The following PTPRH variants were observed in gnomAD, a reference collection of about 807,000 sequenced individuals.
The protein encoded by PTPRH is receptor-type tyrosine-protein phosphatase H.
Under a neutral mutation model 130.2 loss-of-function variants are expected in PTPRH, and 113 were observed. The ratio of observed to expected loss-of-function variants is 0.87; its 90% CI spans 0.75 to 1.01. PTPRH has a LOEUF of 1.01. PTPRH is among the 50% of genes least tolerant of loss of function. The pLI, the probability that PTPRH is intolerant of heterozygous loss-of-function variation, is 0.00. For synonymous variants in PTPRH, 556 were observed against 577.9 expected (o/e 0.96, Z 0.54); for missense variants, 1,430 against 1,425.0 (o/e 1.00, Z -0.06).
At chr19:55,202,391 A>G in intron 5 of PTPRH, 69 bp from the exon 6 acceptor site, 2 of 1,586,046 alleles carry the variant, frequency 1.3e-6, no homozygotes, top group Non-Finnish European at 1.7e-6. Flanking sequence ...CCCTTCCTTA[A>G]CCATTGCATC....
Position 55,186,331 on chromosome 19 carries a change from G to A in PTPRH, c.2672C>T (p.Ala891Val), listed in dbSNP as rs1393910109. The A allele has an allele frequency of 6.2e-7, 1 of 1,614,088 alleles. No individual in the cohort carries two copies. ...TGTCTGTGGCAGGGGACCCTGGGTT[G>A]CAATGAACTCCTGGGGGCTCCAGAG... ...PGLWSPQEFI[A>V]TQGPLPQTVG... The change falls in exon 16 of 20, where the codon GCA becomes GTA. Residue 891 changes from alanine (A) to valine (V), a missense_variant. Transcript: ENST00000376350.
At chr19:55,193,227 CAA>C (rs34071809) in intron 10 of PTPRH, among the ~76,000 whole-genome samples, 39 of 124,116 alleles carry the variant, frequency 3.1e-4, no homozygotes, top group African/African-American at 2.9e-4. Flanking sequence ...GACTCTGTCT[CAA>C]AAAAAAAAAA....
intron 8 of PTPRH, 48 bp from the exon 9 acceptor site, chr19:55,197,464 C>G (rs1018807797): frequency 1.3e-6 from 2 of 1,527,546 alleles, no homozygotes. Flanking sequence ...GAAGACCCTC[C>G]TACCCCAGCC....
intron 10 of PTPRH, 170 bp from the exon 11 acceptor site, chr19:55,191,911 C>T (rs1306929246): frequency 5.7e-6 from 4 of 703,388 alleles, no homozygotes; most frequent in Non-Finnish European, 1.0e-5. Flanking sequence ...CGCGCTTACC[C>T]ATGGATTTTC....
chr19:55,190,872 C>T (rs540956179), intron 12 of PTPRH, among the ~76,000 whole-genome samples: 1 of 151,890 alleles, frequency 6.6e-6, no homozygotes, highest in African/African-American at 2.4e-5. Context: ...GACGGAGTCT[C>T]GATCTGTCAC....
In PTPRH at chr19:55,197,516, T is replaced by C. The variant is rs2086725993; in HGVS notation, c.1691-100A>G. 2.6e-6 allele frequency: 3 copies of C among 1,170,694 alleles called. No individual in the cohort carries two copies. In the East Asian group the frequency reaches 7.1e-5, roughly 28 times the overall value. The allele number at this position is 1,170,694 out of a possible 1,614,324, so 72.5% of individuals were successfully genotyped here. On this transcript the variant is annotated intron_variant, in intron 8 of 19. Transcript: ENST00000376350. ...ACAGCAAAGCTGAGATATCCATTAT[T>C]GATGGCTCCAGTGGCTAAGGAGGCT...
Position 55,182,163 on chromosome 19 carries a change from A to G in PTPRH, c.3063-12T>C, listed in dbSNP as rs766060608. 1.1e-5 allele frequency: 17 copies of G among 1,612,710 alleles called. No individual in the cohort carries two copies. Among genetic ancestry groups the G allele is most frequent in the Non-Finnish European group, 1.4e-5 (17 of 1,179,780 alleles). Reference sequence around the variant, plus strand: ...GACCCACGCCAGCACTAGGCAGAACAAGGGAAGGGTCAGACCAAGGGGCAG... The same window carrying G: ...GACCCACGCCAGCACTAGGCAGAACGAGGGAAGGGTCAGACCAAGGGGCAG... On this transcript the variant is annotated splice_polypyrimidine_tract_variant and intron_variant, in intron 18 of 19. Transcript: ENST00000376350.
At chr19:55,197,023 G>C (rs900645100) in intron 9 of PTPRH, 94 bp downstream of exon 9, 94 of 1,469,482 alleles carry the variant, frequency 6.4e-5, no homozygotes, top group Non-Finnish European at 8.4e-5. Context: ...ATGGCCTGTG[G>C]CCTGATGGAA....
intron 3 of PTPRH, among the ~76,000 whole-genome samples, chr19:55,206,207 TG>T (rs2087047038): frequency 6.7e-6 from 1 of 150,308 alleles, no homozygotes; most frequent in Non-Finnish European, 1.5e-5. Context: ...CACTCCAACC[TG>T]GGCGACAGAG....
rs537921308 is a variant in PTPRH at position 55,203,797 on chromosome 19, C to G, written c.871G>C (p.Val291Leu). The change falls in exon 5 of 20, where the codon GTC becomes CTC. Residue 291 changes from valine (V) to leucine (L), a missense_variant. Val to Leu is a conservative substitution (Grantham distance 32, BLOSUM62 1). Transcript: ENST00000376350. ...TGCCTCTTACCTGTGGCACTAGTGA[C>G]AATCTCCACAGAGCTATTTACTCCG... ...KDGVNSSVEI[V>L]TSATAPNPVR... is the part of the protein sequence containing the mutation. 1.2e-5 allele frequency: 20 copies of G among 1,604,152 alleles called. No homozygotes were observed. The highest frequency in any genetic ancestry group is 1.7e-5 in the Non-Finnish European group (20 of 1,171,716).
intron 6 of PTPRH, among the ~76,000 whole-genome samples, chr19:55,200,806 G>A (rs1662990607): frequency 6.6e-6 from 1 of 152,146 alleles, no homozygotes; most frequent in Admixed American, 6.5e-5. Flanking sequence ...AGCCGGGCGT[G>A]GTGGCTGGTG....
At chr19:55,205,837 A>G (rs1343813044) in intron 3 of PTPRH, among the ~76,000 whole-genome samples, 1 of 152,240 alleles carries the variant, frequency 6.6e-6, no homozygotes, top group Admixed American at 6.5e-5. Context: ...AAGAATGTCA[A>G]CTGTCTCATT....
intron 14 of PTPRH, 89 bp from the exon 15 acceptor site, chr19:55,186,629 G>T: frequency 8.0e-7 from 1 of 1,256,976 alleles, no homozygotes; most frequent in Non-Finnish European, 1.1e-6. Context: ...GAGAGGCACA[G>T]AGACAAGACC....
intron 18 of PTPRH, among the ~76,000 whole-genome samples, chr19:55,182,853 G>A (rs1033655314): frequency 2.0e-5 from 3 of 151,936 alleles, no homozygotes; most frequent in African/African-American, 7.2e-5. Context: ...GAAGTGCAGT[G>A]GCATGATCTC....
At chr19:55,200,069 G>A (rs576265159) in intron 7 of PTPRH, among the ~76,000 whole-genome samples, 167 bp downstream of exon 7, 3 of 152,266 alleles carry the variant, frequency 2.0e-5, no homozygotes, top group African/African-American at 7.2e-5. Flanking sequence ...TCTTCCTCAG[G>A]GCAGAGCCAG....
intron 1 of PTPRH, among the ~76,000 whole-genome samples, chr19:55,207,482 T>G (rs2087107554): frequency 6.6e-6 from 1 of 151,974 alleles, no homozygotes; most frequent in Admixed American, 6.6e-5. Flanking sequence ...TATATGTCCT[T>G]GGAAAACCGA....
chr19:55,209,304 G>T lies in PTPRH; in HGVS notation c.51+79C>A. 8.0e-7 allele frequency: 1 copy of T among 1,250,328 alleles called. No homozygotes were observed. The highest frequency in any genetic ancestry group is 1.1e-6 in the Non-Finnish European group (1 of 871,974). The allele number at this position is 1,250,328 out of a possible 1,614,324, so 77.5% of individuals were successfully genotyped here. On this transcript the variant is annotated intron_variant, in intron 1 of 19. Coordinates refer to ENST00000376350, the MANE Select transcript of PTPRH (RefSeq NM_002842.5). The surrounding 1 kb of genome is among the most constrained non-coding windows in gnomAD (Gnocchi z 4.1). ...TCAGCACCTACTTCCTCAAGATCGAGGTGCAGGCACCCAGCTCCTTCTCCC... is the reference window on the plus strand; with the variant it reads ...TCAGCACCTACTTCCTCAAGATCGATGTGCAGGCACCCAGCTCCTTCTCCC...
chr19:55,195,873 T>C (rs1163140248), intron 10 of PTPRH, among the ~76,000 whole-genome samples: 1 of 151,748 alleles, frequency 6.6e-6, no homozygotes, highest in Non-Finnish European at 1.5e-5. Flanking sequence ...GCCCACTCTA[T>C]GATTGCATTT....
In PTPRH at chr19:55,196,553, A is replaced by C. The variant is rs148942810; in HGVS notation, c.2226T>G (p.Ser742=). 1 of 1,613,120 alleles carries C rather than the reference A, an allele frequency of 6.2e-7. No homozygotes were observed. Residue 742 remains serine, a synonymous_variant, in exon 10 of 20, where the codon TCT becomes TCG. Transcript: ENST00000376350. ...TCTCGGTGTGGCAGACCACAGAGTG[A>C]GACACGACCTTCATTCCGTCCCAGA... is the stretch of plus-strand genomic sequence containing the variant. ...TTIWDGMKVV[S]HSVVCHTESA... is the part of the protein sequence containing the mutation.
Sources: gnomAD v4.1 joint callset for allele counts (sites outside exome capture counted in the v4.1 genomes callset) on GRCh38, gnomAD v4.1.1 for gene constraint, Gnocchi (gnomAD v3.1) non-coding constraint, MANE v1.5 for transcripts, NCBI Gene and HGNC (gene_info 2026-07-23, HGNC 2026-07-21) for gene names.